NRG1: variants seen among roughly 807,000 people sequenced by gnomAD.
NRG1 encodes the protein pro-neuregulin-1, membrane-bound isoform.
In NRG1, 18 loss-of-function variants were observed where a neutral mutation model predicts 63.8. The ratio of observed to expected loss-of-function variants is 0.28; its 90% CI spans 0.19 to 0.42. The LOEUF (loss-of-function observed/expected upper bound fraction) is 0.42. NRG1 is among the 10% of genes least tolerant of loss of function. The probability of loss-of-function intolerance (pLI) is 1.00; values close to 1 mark genes in which losing one functional copy is unlikely to be tolerated. For missense variants in NRG1, 762 were observed against 814.7 expected (o/e 0.94, Z 0.79); for synonymous variants, 302 against 301.3 (o/e 1.00, Z -0.02).
At chr8:32,369,307 C>T (rs192173301) in intron 1 of NRG1, among the ~76,000 whole-genome samples, 84 of 152,338 alleles carry the variant, frequency 5.5e-4, no homozygotes, top group African/African-American at 1.8e-3. Context: ...GAGTCAGGAC[C>T]CAGATGGGAA....
intron 1 of NRG1, among the ~76,000 whole-genome samples, chr8:32,067,827 A>AT (rs145129550): frequency 0.027 from 4,057 of 152,276 alleles, 183 homozygotes; most frequent in African/African-American, 0.09. Context: ...ATACTGGTTA[A>AT]TTGGCTTTAA....
At chr8:31,751,351 A>G (rs560998458) in intron 1 of NRG1, among the ~76,000 whole-genome samples, 26 of 152,126 alleles carry the variant, frequency 1.7e-4, no homozygotes, top group African/African-American at 5.8e-4. Flanking sequence ...ATTAAAGATG[A>G]CTATGAGTTA....
intron 1 of NRG1, among the ~76,000 whole-genome samples, chr8:31,656,442 CCCAGA>C (rs1369604153): frequency 5.9e-5 from 9 of 152,102 alleles, no homozygotes; most frequent in Non-Finnish European, 1.2e-4. Flanking sequence ...AGAGGTGGAG[CCCAGA>C]CCAGGAGCAG....
At chr8:32,260,286 A>C (rs2129471502) in intron 1 of NRG1, among the ~76,000 whole-genome samples, 1 of 152,324 alleles carries the variant, frequency 6.6e-6, no homozygotes, top group Admixed American at 6.5e-5. Context: ...CTTTGGAAAA[A>C]CTGAAGATGA....
At chr8:32,559,245 T>TCAAAAAAAAAAA (rs1835842953) in intron 1 of NRG1, among the ~76,000 whole-genome samples, 1 of 96,790 alleles carries the variant, frequency 1.0e-5, no homozygotes, top group African/African-American at 3.6e-5. Flanking sequence ...CTCTAAAATG[T>TCAAAAAAAAAAA]AAAAAAAAAA....
intron 5 of NRG1, among the ~76,000 whole-genome samples, chr8:32,622,738 A>G (rs1184895892): frequency 6.6e-6 from 1 of 152,190 alleles, no homozygotes; most frequent in African/African-American, 2.4e-5. Context: ...TTTATTTTAA[A>G]CATATATTGG....
At chr8:32,481,835 G>A (rs1016314284) in intron 1 of NRG1, among the ~76,000 whole-genome samples, 6 of 152,172 alleles carry the variant, frequency 3.9e-5, no homozygotes, top group Non-Finnish European at 7.3e-5. Flanking sequence ...ATGAAAAAAG[G>A]CATCACAGTA....
chr8:32,737,729 T>C (rs1825437115), intron 6 of NRG1, among the ~76,000 whole-genome samples: 1 of 150,226 alleles, frequency 6.7e-6, no homozygotes, highest in African/African-American at 2.5e-5. Context: ...CAGGCTGGTA[T>C]GTAGTGTTGT....
At chr8:31,976,844 G>A in intron 1 of NRG1, among the ~76,000 whole-genome samples, 1 of 152,062 alleles carries the variant, frequency 6.6e-6, no homozygotes, top group South Asian at 2.1e-4. Flanking sequence ...TGTTCCTACA[G>A]AAAAATTACT....
chr8:32,514,161 A>G (rs1829540676), intron 1 of NRG1, among the ~76,000 whole-genome samples: 1 of 152,198 alleles, frequency 6.6e-6, no homozygotes, highest in Non-Finnish European at 1.5e-5. Context: ...ACAAAGAAAA[A>G]TTGTTGTAAA....
intron 1 of NRG1, among the ~76,000 whole-genome samples, chr8:31,923,616 G>A (rs1834092841): frequency 6.6e-6 from 1 of 151,844 alleles, no homozygotes; most frequent in Admixed American, 6.6e-5. Context: ...AAAATTACTG[G>A]TTTTATTTAT....
intron 1 of NRG1, among the ~76,000 whole-genome samples, chr8:32,543,075 C>T (rs1386840085): frequency 2.6e-5 from 4 of 152,024 alleles, no homozygotes; most frequent in Non-Finnish European, 5.9e-5. Flanking sequence ...TCATTCTATC[C>T]AAAGTATTTA....
At chr8:32,323,035 A>G (rs918538563) in intron 1 of NRG1, among the ~76,000 whole-genome samples, 1 of 152,170 alleles carries the variant, frequency 6.6e-6, no homozygotes, top group African/African-American at 2.4e-5. Context: ...CGATACAGTC[A>G]TTTAACTTAA....
At chr8:32,261,010 G>C (rs1374313990) in intron 1 of NRG1, among the ~76,000 whole-genome samples, 1 of 152,130 alleles carries the variant, frequency 6.6e-6, no homozygotes. Flanking sequence ...CACTTTAATA[G>C]TTTTGTACTT....
intron 5 of NRG1, among the ~76,000 whole-genome samples, chr8:32,705,373 T>C (rs1264749220): frequency 2.0e-5 from 3 of 152,086 alleles, no homozygotes; most frequent in African/African-American, 7.2e-5. Flanking sequence ...CCTTGTGATC[T>C]GCCCGCCTCG....
chr8:31,992,054 G>A (rs969353271), intron 1 of NRG1, among the ~76,000 whole-genome samples: 6 of 151,838 alleles, frequency 4.0e-5, no homozygotes, highest in African/African-American at 1.5e-4. Flanking sequence ...AGAAAATGAG[G>A]CCAGGCTCAG....
chr8:31,916,611 A>G (rs1335559201), intron 1 of NRG1, among the ~76,000 whole-genome samples: 11 of 152,124 alleles, frequency 7.2e-5, no homozygotes, highest in Non-Finnish European at 1.2e-4. Flanking sequence ...TCATTGTTGG[A>G]CATTTGGGTT....
At chr8:32,202,963 G>A (rs999661393) in intron 1 of NRG1, among the ~76,000 whole-genome samples, 10 of 151,826 alleles carry the variant, frequency 6.6e-5, no homozygotes, top group African/African-American at 9.7e-5. Flanking sequence ...TGGAACCCTC[G>A]CCAGGAACTC....
intron 1 of NRG1, among the ~76,000 whole-genome samples, chr8:31,807,881 C>T (rs1352381050): frequency 6.6e-6 from 1 of 151,964 alleles, no homozygotes; most frequent in Non-Finnish European, 1.5e-5. Flanking sequence ...GCACAATGAC[C>T]TCCAGGTTCA....
Sources: allele counts gnomAD v4.1 joint callset (sites outside exome capture counted in the v4.1 genomes callset), GRCh38; gene constraint gnomAD v4.1.1; transcripts MANE v1.5; gene names NCBI Gene and HGNC (gene_info 2026-07-23, HGNC 2026-07-21).